PJA2: variants seen among roughly 807,000 people sequenced by gnomAD.
The protein encoded by PJA2 is praja ring finger ubiquitin ligase 2.
PJA2 carries 25 observed loss-of-function variants against 69.3 expected under a neutral mutation model. The ratio of observed to expected loss-of-function variants is 0.36; its 90% CI spans 0.26 to 0.50. The LOEUF (loss-of-function observed/expected upper bound fraction) is 0.50, where lower values mean the gene tolerates loss of function less well. Ranked by LOEUF, PJA2 falls within the 20% of genes least tolerant of loss-of-function variation. PJA2 has a pLI of 0.96. For missense variants in PJA2, 809 were observed against 830.2 expected (o/e 0.97, Z 0.31); for synonymous variants, 308 against 277.8 (o/e 1.11, Z -1.08).
At chr5:109,340,881 A>C (rs2126984149) in intron 9 of PJA2, among the ~76,000 whole-genome samples, 1 of 98,662 alleles carries the variant, frequency 1.0e-5, no homozygotes, top group African/African-American at 3.1e-5. Context: ...ACCGCGAGTG[A>C]TCCGCCAACC....
In PJA2 at chr5:109,335,043, T is replaced by G. The variant is rs1761914736; in HGVS notation, c.*2188A>C. ...ATAGAGAAATAAGATAAATGCTATT[T>G]TATTAATATTCATACTTATTTCTAA... On this transcript the variant is annotated 3_prime_UTR_variant, in exon 10 of 10. Transcript: ENST00000361189. The G allele has an allele frequency of 6.6e-6, 1 of 152,636 alleles. No individual in the cohort carries two copies. The highest frequency in any genetic ancestry group is 1.5e-5 in the Non-Finnish European group (1 of 68,020). The allele number at this position is 152,636 out of a possible 1,614,324, so 9.5% of individuals were successfully genotyped here. A position where few individuals can be genotyped will look rare whatever the true frequency, so the allele number is the denominator to read the frequency against.
At chr5:109,367,399 A>G (rs1582604131) in intron 5 of PJA2, among the ~76,000 whole-genome samples, 2 of 151,736 alleles carry the variant, frequency 1.3e-5, no homozygotes, top group African/African-American at 2.4e-5. Flanking sequence ...TTCCTAAAAA[A>G]AAACATAATT....
intron 1 of PJA2, among the ~76,000 whole-genome samples, chr5:109,400,599 T>G (rs1207708927): frequency 4.6e-5 from 7 of 152,082 alleles, no homozygotes; most frequent in African/African-American, 1.2e-4. Context: ...AGCTCAGTGA[T>G]TCCCCCCTAC....
At chr5:109,397,673 T>G (rs1443751393) in intron 1 of PJA2, among the ~76,000 whole-genome samples, 2 of 151,922 alleles carry the variant, frequency 1.3e-5, no homozygotes, top group Non-Finnish European at 2.9e-5. Context: ...CACCCGCCAC[T>G]ACGCCCAGAT....
chr5:109,362,203 C>A (rs1473928620), intron 6 of PJA2, among the ~76,000 whole-genome samples: 23 of 152,158 alleles, frequency 1.5e-4, no homozygotes, highest in Admixed American at 1.5e-3. Context: ...TCAATAGTTA[C>A]CTGCTTTCAG....
At chr5:109,343,163 G>C (rs1349454287) in intron 9 of PJA2, among the ~76,000 whole-genome samples, 2 of 119,722 alleles carry the variant, frequency 1.7e-5, no homozygotes, top group Non-Finnish European at 3.4e-5. Flanking sequence ...TCTGCACTAA[G>C]AAAAATTCCT....
intron 1 of PJA2, among the ~76,000 whole-genome samples, chr5:109,386,657 T>C (rs75517168): frequency 0.015 from 2,273 of 152,130 alleles, 51 homozygotes; most frequent in African/African-American, 0.053. Flanking sequence ...ATTTTTTTTT[T>C]CCCTTTACTG....
At chr5:109,406,905 A>C in intron 1 of PJA2, among the ~76,000 whole-genome samples, 1 of 152,204 alleles carries the variant, frequency 6.6e-6, no homozygotes, top group East Asian at 1.9e-4. Context: ...ATCCTGAAAA[A>C]CATGCCAAGA....
intron 6 of PJA2, among the ~76,000 whole-genome samples, chr5:109,359,598 C>T (rs1334754849): frequency 1.3e-5 from 2 of 152,090 alleles, no homozygotes; most frequent in Admixed American, 1.3e-4. Flanking sequence ...ACAAATACAA[C>T]CTAAGGGACA....
intron 7 of PJA2, among the ~76,000 whole-genome samples, chr5:109,354,101 T>A (rs1287842867): frequency 9.0e-6 from 1 of 111,644 alleles, no homozygotes; most frequent in Non-Finnish European, 1.9e-5. Flanking sequence ...TATCTAGAGA[T>A]ATCTATAGAT....
chr5:109,357,595 CAAATT>C (rs780435559), intron 6 of PJA2, among the ~76,000 whole-genome samples: 6 of 152,260 alleles, frequency 3.9e-5, no homozygotes, highest in East Asian at 1.9e-4. Context: ...ATCTATAAAA[CAAATT>C]AAATAAGTAG....
At chr5:109,404,895 G>C (rs1187840745) in intron 1 of PJA2, among the ~76,000 whole-genome samples, 1 of 152,198 alleles carries the variant, frequency 6.6e-6, no homozygotes, top group Non-Finnish European at 1.5e-5. Context: ...AACAGAGAAG[G>C]ATATCTGCTT....
intron 4 of PJA2, among the ~76,000 whole-genome samples, chr5:109,370,965 G>A (rs1762666221): frequency 6.6e-6 from 1 of 152,120 alleles, no homozygotes; most frequent in African/African-American, 2.4e-5. Flanking sequence ...AATACAAGAG[G>A]AATGTCTATG....
intron 1 of PJA2, among the ~76,000 whole-genome samples, chr5:109,392,520 C>G (rs1473874646): frequency 7.7e-6 from 1 of 130,552 alleles, no homozygotes; most frequent in Non-Finnish European, 1.5e-5. Context: ...AAGACTGCCC[C>G]AATGCACTCC....
intron 6 of PJA2, among the ~76,000 whole-genome samples, chr5:109,360,840 T>A (rs957507110): frequency 1.3e-5 from 2 of 152,094 alleles, no homozygotes; most frequent in Non-Finnish European, 2.9e-5. Context: ...TCAAATTATA[T>A]TCAGAGGCTG....
Position 109,337,354 on chromosome 5 carries a change from C to T in PJA2, c.2004G>A (p.Ser668=), listed in dbSNP as rs189529922. Reference sequence around the variant, plus strand: ...GACGGCGGCACACAGGGCATGTTCCCGACTGGAGAAAAAAAAAATGTTAAG... The same window carrying T: ...GACGGCGGCACACAGGGCATGTTCCTGACTGGAGAAAAAAAAAATGTTAAG... ...KPCVSIWLQK[S]GTCPVCRRHF... is the part of the protein sequence containing the mutation. The change falls in exon 10 of 10, where the codon TCG becomes TCA. Residue 668 remains serine (S), a splice_region_variant and synonymous_variant. Transcript: ENST00000361189. 16 of 1,588,184 alleles carry T rather than the reference C, an allele frequency of 1.0e-5. No homozygotes were observed. The East Asian group carries it at 2.7e-4, about 27-fold the overall frequency.
At chr5:109,376,955 C>G (rs918244331) in intron 4 of PJA2, among the ~76,000 whole-genome samples, 3 of 152,040 alleles carry the variant, frequency 2.0e-5, no homozygotes, top group Non-Finnish European at 4.4e-5. Context: ...AAGTTAACAT[C>G]AGGTCAGGCT....
chr5:109,372,366 AC>A (rs138879749), intron 4 of PJA2, among the ~76,000 whole-genome samples: 2,956 of 152,218 alleles, frequency 0.019, 85 homozygotes, highest in African/African-American at 0.068. Context: ...TAATCACTTC[AC>A]CTTTTCCCCA....
At position 109,336,353 on chromosome 5, in the gene PJA2, CTT is replaced by C. The variant is rs1195880734; in HGVS notation, c.*876_*877del. 3 of 152,082 alleles carry C rather than the reference CTT, an allele frequency of 2.0e-5. No homozygotes were observed. In the East Asian group the frequency reaches 5.8e-4, roughly 29 times the overall value. The allele number at this position is 152,082 out of a possible 1,614,324, so 9.4% of individuals were successfully genotyped here. The stretch of plus-strand genomic sequence containing the variant: ...GATGACCCTGTGCAAGTTTTCAGAC[CTT>C]CCAAAATACTGTAGAAGCAAAATTA... On this transcript the variant is annotated 3_prime_UTR_variant, in exon 10 of 10. Coordinates refer to ENST00000361189, the MANE Select transcript of PJA2 (RefSeq NM_014819.5).
Sources: allele counts gnomAD v4.1 joint callset (sites outside exome capture counted in the v4.1 genomes callset), GRCh38; gene constraint gnomAD v4.1.1; transcripts MANE v1.5; gene names NCBI Gene and HGNC (gene_info 2026-07-23, HGNC 2026-07-21).